CPQ: variants seen among roughly 807,000 people sequenced by gnomAD.
CPQ encodes carboxypeptidase Q, also known as Ser-Met dipeptidase.
In CPQ, 37 loss-of-function variants were observed where a neutral mutation model predicts 45.7. The observed-to-expected ratio is 0.81, with a 90% CI of 0.62 to 1.07. The LOEUF is 1.07. Ranked by LOEUF, CPQ falls within the 50% of genes least tolerant of loss-of-function variation. The pLI, the probability that CPQ is intolerant of heterozygous loss-of-function variation, is 0.00. For synonymous variants in CPQ, 186 were observed against 205.8 expected (o/e 0.90, Z 0.82); for missense variants, 537 against 572.9 (o/e 0.94, Z 0.64).
At chr8:96,861,801 A>C (rs1419246821) in intron 3 of CPQ, among the ~76,000 whole-genome samples, 2 of 152,248 alleles carry the variant, frequency 1.3e-5, no homozygotes, top group African/African-American at 4.8e-5. Flanking sequence ...CCAGGCTGGG[A>C]TAGTGCCAAC....
intron 5 of CPQ, among the ~76,000 whole-genome samples, chr8:97,002,059 G>A (rs1292794475): frequency 6.6e-6 from 1 of 151,862 alleles, no homozygotes; most frequent in African/African-American, 2.4e-5. Context: ...CGCATAGAAG[G>A]TTCATAATAT....
intron 7 of CPQ, among the ~76,000 whole-genome samples, chr8:97,068,393 A>C (rs551601731): frequency 6.6e-6 from 1 of 152,290 alleles, no homozygotes; most frequent in Non-Finnish European, 1.5e-5. Flanking sequence ...GCATTTTGGG[A>C]GGCCGAGGTG....
chr8:96,841,021 T>C (rs1248976324), intron 3 of CPQ, among the ~76,000 whole-genome samples: 1 of 152,208 alleles, frequency 6.6e-6, no homozygotes, highest in East Asian at 1.9e-4. Context: ...TGCCAAGTTT[T>C]CCCCTCTTTT....
intron 7 of CPQ, among the ~76,000 whole-genome samples, chr8:97,073,294 T>C (rs1810784672): frequency 6.6e-6 from 1 of 152,218 alleles, no homozygotes; most frequent in Admixed American, 6.5e-5. Flanking sequence ...TAAAATGTTC[T>C]AAGAAAGGAG....
chr8:96,789,574 T>A lies in CPQ; in HGVS notation c.433+4244T>A, dbSNP rs115864824. Among the ~76,000 whole-genome samples, 1,043 of 152,202 alleles carry A rather than the reference T, an allele frequency of 6.9e-3. 8 individuals carry two copies. The highest frequency in any genetic ancestry group is 0.021 in the African/African-American group (887 of 41,526). On this transcript the variant is annotated intron_variant, in intron 2 of 7. Transcript: ENST00000220763. ...CATTTGATGTTTTTATGGCTTGGAG[T>A]CTGTTATTACAACTTAAGAAGTTTG... is the stretch of plus-strand genomic sequence containing the variant.
intron 5 of CPQ, among the ~76,000 whole-genome samples, chr8:96,977,630 A>G (rs1813812167): frequency 6.6e-6 from 1 of 152,160 alleles, no homozygotes; most frequent in African/African-American, 2.4e-5. Context: ...ATATCATGGA[A>G]TATTACTCAG....
chr8:97,079,620 G>A (rs555090876), intron 7 of CPQ, among the ~76,000 whole-genome samples: 1 of 152,238 alleles, frequency 6.6e-6, no homozygotes, highest in Non-Finnish European at 1.5e-5. Context: ...TGCAGTCCCT[G>A]TCCTTAAGGA....
intron 3 of CPQ, among the ~76,000 whole-genome samples, chr8:96,854,648 G>C (rs1297673562): frequency 6.6e-6 from 1 of 150,840 alleles, no homozygotes; most frequent in Non-Finnish European, 1.5e-5. Flanking sequence ...TTGTGTATGT[G>C]AATATGAAGA....
chr8:96,996,759 T>C (rs1383814800), intron 5 of CPQ, among the ~76,000 whole-genome samples: 1 of 152,092 alleles, frequency 6.6e-6, no homozygotes, highest in African/African-American at 2.4e-5. Context: ...TGTTTTCAGC[T>C]TCTCCCAAAG....
At chr8:96,674,249 C>T (rs976097886) in intron 1 of CPQ, among the ~76,000 whole-genome samples, 5 of 152,078 alleles carry the variant, frequency 3.3e-5, no homozygotes, top group South Asian at 2.1e-4. Context: ...AACTGAGATG[C>T]GTGTATTTCC....
At chr8:96,725,204 A>G (rs1405412365) in intron 1 of CPQ, among the ~76,000 whole-genome samples, 1 of 152,200 alleles carries the variant, frequency 6.6e-6, no homozygotes, top group African/African-American at 2.4e-5. Context: ...CTCAAAAACA[A>G]TTGCAACAAA....
chr8:96,799,142 A>G (rs1427901465), intron 2 of CPQ, among the ~76,000 whole-genome samples: 5 of 152,258 alleles, frequency 3.3e-5, no homozygotes, highest in African/African-American at 4.8e-5. Context: ...AGAGAAGGAT[A>G]AATAAACATC....
At chr8:96,805,877 G>A (rs1156380468) in intron 2 of CPQ, among the ~76,000 whole-genome samples, 1 of 151,808 alleles carries the variant, frequency 6.6e-6, no homozygotes, top group African/African-American at 2.4e-5. Context: ...CTCCACCATA[G>A]AACTTGGTAG....
chr8:96,912,948 A>T (rs1006397737), intron 4 of CPQ, among the ~76,000 whole-genome samples: 3 of 152,160 alleles, frequency 2.0e-5, no homozygotes, highest in African/African-American at 7.2e-5. Context: ...ATCTCATCTG[A>T]TAATGACATT....
At chr8:96,784,768 G>A (rs1440981414) in intron 1 of CPQ, 96 bp from the exon 2 acceptor site, 2 of 844,556 alleles carry the variant, frequency 2.4e-6, no homozygotes, top group Non-Finnish European at 1.8e-6. Context: ...GGTTGGGAAG[G>A]GAAGGGGAAT....
intron 1 of CPQ, among the ~76,000 whole-genome samples, chr8:96,740,964 G>A (rs1810079699): frequency 6.6e-6 from 1 of 152,160 alleles, no homozygotes; most frequent in African/African-American, 2.4e-5. Flanking sequence ...GTATCAGGAT[G>A]ATGTCAGGAT....
At chr8:97,098,093 A>G (rs1811239873) in intron 7 of CPQ, among the ~76,000 whole-genome samples, 1 of 152,180 alleles carries the variant, frequency 6.6e-6, no homozygotes, top group African/African-American at 2.4e-5. Flanking sequence ...CAACCCTCAG[A>G]TGTCAAGAGG....
At chr8:96,749,399 T>A (rs564762934) in intron 1 of CPQ, among the ~76,000 whole-genome samples, 12 of 152,310 alleles carry the variant, frequency 7.9e-5, no homozygotes, top group African/African-American at 2.9e-4. Flanking sequence ...GGAACTACCT[T>A]TTTAGATCAA....
chr8:97,111,349 C>G (rs1366889551), intron 7 of CPQ, among the ~76,000 whole-genome samples: 1 of 152,208 alleles, frequency 6.6e-6, no homozygotes, highest in East Asian at 1.9e-4. Flanking sequence ...TCTTCTCTCC[C>G]ATGAATTATT....
Sources: gnomAD v4.1 joint callset for allele counts (sites outside exome capture counted in the v4.1 genomes callset) on GRCh38, gnomAD v4.1.1 for gene constraint, MANE v1.5 for transcripts, NCBI Gene and HGNC (gene_info 2026-07-23, HGNC 2026-07-21) for gene names.